Variants in TWIST2 observed in about 807,000 individuals in gnomAD.
TWIST2 encodes the protein twist family bHLH transcription factor 2.
TWIST2 carries 1 observed loss-of-function variant against 11.6 expected under a neutral mutation model. The observed-to-expected ratio is 0.09, with a 90% CI of 0.03 to 0.41. The LOEUF is 0.41. TWIST2 is among the 10% of genes least tolerant of loss of function. The pLI is 0.98. For synonymous variants in TWIST2, 87 were observed against 96.6 expected (o/e 0.90, Z 0.58); for missense variants, 168 against 226.4 (o/e 0.74, Z 1.66).
intron 1 of TWIST2, among the ~76,000 whole-genome samples, chr2:238,881,795 A>G (rs1005949797): frequency 6.6e-6 from 1 of 152,104 alleles, no homozygotes; most frequent in Admixed American, 6.5e-5. Context: ...ACATAAGGAA[A>G]TGTTATCCGG....
chr2:238,905,943 GCGCGCGCGTGTGTA>G (rs1693344089), intron 1 of TWIST2, among the ~76,000 whole-genome samples: 1 of 103,582 alleles, frequency 9.7e-6, no homozygotes. Flanking sequence ...GCGTGTGTGT[GCGCGCGCGTGTGTA>G]CGTGTGCGTG....
chr2:238,861,933 A>G (rs1334830971), intron 1 of TWIST2, among the ~76,000 whole-genome samples: 1 of 152,230 alleles, frequency 6.6e-6, no homozygotes, highest in East Asian at 1.9e-4. Context: ...GTTCCGTACC[A>G]TCCTTGGGAT....
intron 1 of TWIST2, among the ~76,000 whole-genome samples, chr2:238,903,496 GTGA>G (rs1259045844): frequency 2.9e-4 from 41 of 140,042 alleles, no homozygotes; most frequent in Admixed American, 7.1e-4. Flanking sequence ...TGAGGTGTGT[GTGA>G]TGTGTGTGTG....
chr2:238,871,668 T>A (rs1574756266), intron 1 of TWIST2, among the ~76,000 whole-genome samples: 1 of 24,432 alleles, frequency 4.1e-5, no homozygotes, highest in South Asian at 2.3e-3. Flanking sequence ...ACACACACCA[T>A]CACCCCCCCC....
At position 238,859,548 on chromosome 2, in the gene TWIST2, A is replaced by G. The variant is rs181585888; in HGVS notation, c.*35+10815A>G. On this transcript the variant is annotated intron_variant, in intron 1 of 1. Transcript: ENST00000612363. ...TAAAAGCTCAAATGATAAATTTTAT[A>G]TTGTATGTATCTTACTACTATCACC... Among the ~76,000 whole-genome samples, 457 of 150,054 alleles carry G rather than the reference A, an allele frequency of 3.0e-3. 4 individuals are homozygous for G. The highest frequency in any genetic ancestry group is 5.8e-3 in the Non-Finnish European group (391 of 67,786).
At chr2:238,851,931 T>TTGC (rs201398947) in intron 1 of TWIST2, among the ~76,000 whole-genome samples, 24,047 of 152,148 alleles carry the variant, frequency 0.16, 2,016 homozygotes, top group East Asian at 0.22. Context: ...CAGGGAAGTC[T>TTGC]TGCTACTCAT....
intron 1 of TWIST2, among the ~76,000 whole-genome samples, chr2:238,893,452 T>C (rs963452506): frequency 0.13 from 20,441 of 152,146 alleles, 1,547 homozygotes; most frequent in African/African-American, 0.2. Flanking sequence ...CCCAGAATCA[T>C]TCTGCCACAC....
At chr2:238,906,105 A>T (rs1693350799) in intron 1 of TWIST2, among the ~76,000 whole-genome samples, 1 of 152,028 alleles carries the variant, frequency 6.6e-6, no homozygotes, top group South Asian at 2.1e-4. Context: ...GTCTCTGAGG[A>T]CCTGGGCTGC....
At chr2:238,877,389 A>G (rs947725464) in intron 1 of TWIST2, among the ~76,000 whole-genome samples, 6 of 152,180 alleles carry the variant, frequency 3.9e-5, no homozygotes, top group African/African-American at 1.4e-4. Flanking sequence ...TAGATGATAC[A>G]GTTGTCTACT....
chr2:238,876,433 C>T lies in TWIST2; in HGVS notation c.*35+27700C>T, dbSNP rs543593740. Reference sequence around the variant, plus strand: ...TAGGACTGTCCACTCAGTTATTAAGCCCACTGCTGTGTCAGGCCGAAGGTG... The same window carrying T: ...TAGGACTGTCCACTCAGTTATTAAGTCCACTGCTGTGTCAGGCCGAAGGTG... On this transcript the variant is annotated intron_variant, in intron 1 of 1. Coordinates refer to ENST00000612363, the MANE Select transcript of TWIST2 (RefSeq NM_001271893.4). 5.9e-5 allele frequency among the ~76,000 whole-genome samples: 9 copies of T among 152,296 alleles called. No homozygotes were observed. The South Asian group carries it at 1.9e-3, about 32-fold the overall frequency.
intron 1 of TWIST2, among the ~76,000 whole-genome samples, chr2:238,901,663 T>C (rs1693270010): frequency 6.6e-6 from 1 of 151,866 alleles, no homozygotes; most frequent in African/African-American, 2.4e-5. Context: ...GTGGCTGAGG[T>C]GGGTGTCTGA....
At chr2:238,890,068 C>G (rs1266852661) in intron 1 of TWIST2, among the ~76,000 whole-genome samples, 1 of 152,182 alleles carries the variant, frequency 6.6e-6, no homozygotes, top group Non-Finnish European at 1.5e-5. Context: ...TCGAGGACAG[C>G]TGCGTGGAGG....
intron 1 of TWIST2, among the ~76,000 whole-genome samples, chr2:238,896,072 T>C (rs1368629647): frequency 6.6e-6 from 1 of 151,950 alleles, no homozygotes; most frequent in East Asian, 1.9e-4. Context: ...ATATGGTCAT[T>C]CCCACATTCC....
intron 1 of TWIST2, among the ~76,000 whole-genome samples, chr2:238,882,925 T>G (rs1265318263): frequency 6.6e-6 from 1 of 152,106 alleles, no homozygotes; most frequent in Non-Finnish European, 1.5e-5. Context: ...GCCCCCTGGA[T>G]GGATGTAGGT....
chr2:238,849,519 G>A (rs1386603314), intron 1 of TWIST2, among the ~76,000 whole-genome samples: 2 of 152,224 alleles, frequency 1.3e-5, no homozygotes, highest in Admixed American at 1.3e-4. Context: ...CTAGGAACTG[G>A]GAGCCCTGAG....
intron 1 of TWIST2, among the ~76,000 whole-genome samples, chr2:238,889,225 C>A (rs558212605): frequency 1.9e-4 from 29 of 152,310 alleles, no homozygotes; most frequent in African/African-American, 6.3e-4. Flanking sequence ...TGGGTAGGAA[C>A]AATGTGAGTG....
chr2:238,881,122 A>G (rs865786878), intron 1 of TWIST2, among the ~76,000 whole-genome samples: 2 of 94,198 alleles, frequency 2.1e-5, no homozygotes, highest in South Asian at 4.2e-4. Flanking sequence ...TAGTGTTAGT[A>G]TTTATTAGTA....
At chr2:238,859,870 A>G (rs1692400747) in intron 1 of TWIST2, among the ~76,000 whole-genome samples, 1 of 152,130 alleles carries the variant, frequency 6.6e-6, no homozygotes, top group Admixed American at 6.5e-5. Context: ...TTTTTGTGAC[A>G]TGTTGAGTAC....
chr2:238,899,214 TTC>T lies in TWIST2; in HGVS notation c.*36-10622_*36-10621del, dbSNP rs1693241567. On this transcript the variant is annotated intron_variant, in intron 1 of 1. Transcript: ENST00000612363. ...CATCCCTAAGGCTTCAGCTGCTGGT[TTC>T]TCTCTGCTTTCTTCATTGTAGTCCC... Among the ~76,000 whole-genome samples, 3 of 152,254 alleles carry T rather than the reference TTC, an allele frequency of 2.0e-5. No individual in the cohort carries two copies. The South Asian group carries it at 6.2e-4, about 32-fold the overall frequency.
Sources: allele counts gnomAD v4.1 joint callset (sites outside exome capture counted in the v4.1 genomes callset), GRCh38; gene constraint gnomAD v4.1.1; transcripts MANE v1.5; gene names NCBI Gene and HGNC (gene_info 2026-07-23, HGNC 2026-07-21).